Variants in MAN2A1 observed in about 807,000 individuals in gnomAD.
MAN2A1 encodes mannosidase alpha class 2A member 1.
A neutral mutation model predicts 142.6 loss-of-function variants in MAN2A1; 76 were observed. That is an observed-to-expected ratio of 0.53 (90% CI 0.44 to 0.65). The LOEUF (loss-of-function observed/expected upper bound fraction) is 0.65, where lower values mean the gene tolerates loss of function less well. Among genes scored for constraint, MAN2A1 ranks in the 30% least tolerant of loss-of-function variants. The probability of loss-of-function intolerance (pLI) is 0.00; values close to 1 mark genes in which losing one functional copy is unlikely to be tolerated. For missense variants in MAN2A1, 1,311 were observed against 1,365.1 expected (o/e 0.96, Z 0.62); for synonymous variants, 559 against 473.2 (o/e 1.18, Z -2.35).
intron 5 of MAN2A1, among the ~76,000 whole-genome samples, chr5:109,760,140 C>T (rs1324311519): frequency 6.6e-6 from 1 of 152,114 alleles, no homozygotes; most frequent in Non-Finnish European, 1.5e-5. Context: ...CTTCCCTAGC[C>T]TCCCAGCCCC....
chr5:109,804,256 C>T, intron 12 of MAN2A1: 1 of 987,400 alleles, frequency 1.0e-6, no homozygotes, highest in Non-Finnish European at 1.2e-6. Flanking sequence ...TCTTGGACTT[C>T]AGAACACCTC....
At chr5:109,699,976 A>G (rs1165695739) in intron 1 of MAN2A1, 1 of 152,322 alleles carries the variant, frequency 6.6e-6, no homozygotes, top group South Asian at 2.1e-4. Context: ...TGATAATTAC[A>G]CCTGTGCCAC....
At chr5:109,696,982 T>C (rs1261792414) in intron 1 of MAN2A1, among the ~76,000 whole-genome samples, 1 of 152,216 alleles carries the variant, frequency 6.6e-6, no homozygotes, top group African/African-American at 2.4e-5. Flanking sequence ...GGAAGATTCT[T>C]ATAATGGAAC....
At chr5:109,795,103 A>T (rs1179786789) in intron 12 of MAN2A1, among the ~76,000 whole-genome samples, 1 of 152,198 alleles carries the variant, frequency 6.6e-6, no homozygotes, top group Non-Finnish European at 1.5e-5. Flanking sequence ...TGCATTGACT[A>T]GTGGTTGGTA....
chr5:109,742,727 T>C (rs548280032), intron 4 of MAN2A1, among the ~76,000 whole-genome samples: 12 of 152,332 alleles, frequency 7.9e-5, no homozygotes, highest in African/African-American at 2.9e-4. Context: ...TCTTGTGATA[T>C]TCAGAGTCAT....
At chr5:109,837,051 A>T (rs1196063480) in intron 16 of MAN2A1, among the ~76,000 whole-genome samples, 1 of 148,766 alleles carries the variant, frequency 6.7e-6, no homozygotes, top group Non-Finnish European at 1.5e-5. Flanking sequence ...GATTTTATTT[A>T]TTCATTTCCC....
chr5:109,839,373 G>A (rs1755140168), intron 16 of MAN2A1, among the ~76,000 whole-genome samples: 1 of 152,176 alleles, frequency 6.6e-6, no homozygotes, highest in Non-Finnish European at 1.5e-5. Flanking sequence ...AGCTATATGT[G>A]TGATTTCTTT....
intron 7 of MAN2A1, among the ~76,000 whole-genome samples, chr5:109,773,160 A>G (rs576608986): frequency 2.6e-5 from 4 of 152,300 alleles, no homozygotes; most frequent in East Asian, 1.9e-4. Flanking sequence ...CCATTTACCA[A>G]TTACCATTGG....
At chr5:109,791,221 G>A (rs1410921209) in intron 12 of MAN2A1, among the ~76,000 whole-genome samples, 1 of 151,650 alleles carries the variant, frequency 6.6e-6, no homozygotes, top group Admixed American at 6.6e-5. Flanking sequence ...CTGTAGGTTG[G>A]TAAATTAGGA....
chr5:109,791,420 T>C (rs950633813), intron 12 of MAN2A1, among the ~76,000 whole-genome samples: 3 of 152,066 alleles, frequency 2.0e-5, no homozygotes, highest in African/African-American at 7.2e-5. Context: ...ATGGAAGAAT[T>C]TGATTGTTTT....
rs1026327973 is a variant in MAN2A1 at position 109,835,267 on chromosome 5, G to C, written c.2567-7061G>C. Among the ~76,000 whole-genome samples the C allele has an allele frequency of 2.6e-5, 4 of 152,246 alleles. No individual in the cohort carries two copies. In the South Asian group the frequency reaches 6.2e-4, roughly 24 times the overall value. ...GGAATATTCAAAATCAGAAGCCCTA[G>C]TTTTTTCTGATAGCTATTATTATCC... On this transcript the variant is annotated intron_variant, in intron 16 of 21. Coordinates refer to ENST00000261483, the MANE Select transcript of MAN2A1 (RefSeq NM_002372.4).
intron 1 of MAN2A1, among the ~76,000 whole-genome samples, chr5:109,712,767 T>C (rs535411697): frequency 6.6e-4 from 101 of 152,312 alleles, no homozygotes; most frequent in African/African-American, 2.3e-3. Context: ...TTCAGAAATA[T>C]GAGGGCCATT....
chr5:109,751,540 T>C (rs534421146), intron 4 of MAN2A1, among the ~76,000 whole-genome samples: 108 of 152,184 alleles, frequency 7.1e-4, no homozygotes, highest in African/African-American at 2.5e-3. Context: ...GTGGGATGGC[T>C]GGATCATAAG....
intron 19 of MAN2A1, 92 bp from the exon 20 acceptor site, chr5:109,855,048 T>C (rs1348810408): frequency 5.2e-6 from 3 of 575,514 alleles, no homozygotes; most frequent in East Asian, 3.4e-5. Context: ...ATTATTCATA[T>C]ATTTTTATAT....
chr5:109,820,343 G>A lies in MAN2A1; in HGVS notation c.2451+1G>A, dbSNP rs1754590623. 6.2e-7 allele frequency: 1 copy of A among 1,611,460 alleles called. No homozygotes were observed. Among genetic ancestry groups the A allele is most frequent in the Non-Finnish European group, 8.5e-7 (1 of 1,179,046 alleles). On this transcript the variant is annotated splice_donor_variant, in intron 15 of 21. Coordinates refer to ENST00000261483, the MANE Select transcript of MAN2A1 (RefSeq NM_002372.4). LOFTEE classifies it high-confidence loss of function. ...CTTCTTACCTGATGGTAATGCCAAGGTAAGTGGTACTGATGAGATGACAAA... is the reference window on the plus strand; with the variant it reads ...CTTCTTACCTGATGGTAATGCCAAGATAAGTGGTACTGATGAGATGACAAA...
rs1442295824 is a variant in MAN2A1, at chr5:109,819,738, A to T, written c.2179A>T (p.Asn727Tyr). 2 of 1,612,468 alleles carry T rather than the reference A, an allele frequency of 1.2e-6. No individual in the cohort carries two copies. The highest frequency in any genetic ancestry group is 1.7e-6 in the Non-Finnish European group (2 of 1,179,200). Residue 727 changes from asparagine to tyrosine, a missense_variant, in exon 14 of 22, where the codon AAT (asparagine) becomes TAT (tyrosine). Physicochemically the swap from Asn to Tyr is moderately radical, Grantham distance 143 (BLOSUM62 -2). Around this residue, in one of 3 missense-constraint regions of MAN2A1, gnomAD observed 890 missense variants for 920.5 expected, o/e 0.97. Transcript: ENST00000261483. Reference sequence around the variant, plus strand: ...TAAGATTTTGGAATCAGCAAGTTCAAATTCACATTTAGCTGATTATGTCTT... The same window carrying T: ...TAAGATTTTGGAATCAGCAAGTTCATATTCACATTTAGCTGATTATGTCTT... ...VYKILESASS[N>Y]SHLADYVLYK...
rs141718108 is a variant in MAN2A1, at chr5:109,714,859, C to G, written c.390+1085C>G. On this transcript the variant is annotated intron_variant, in intron 2 of 21. Coordinates refer to ENST00000261483, the MANE Select transcript of MAN2A1 (RefSeq NM_002372.4). ...TGCAACCTCATCAGCTAGAGTGTAGCCAGATTCTGATAGGATCAGAATCCT... is the reference window on the plus strand; with the variant it reads ...TGCAACCTCATCAGCTAGAGTGTAGGCAGATTCTGATAGGATCAGAATCCT... Among the ~76,000 whole-genome samples, 367 of 152,192 alleles carry G rather than the reference C, an allele frequency of 2.4e-3. 1 individual carries two copies. The highest frequency in any genetic ancestry group is 8.6e-3 in the African/African-American group (358 of 41,502).
At chr5:109,851,221 G>A (rs1473885980) in intron 19 of MAN2A1, among the ~76,000 whole-genome samples, 2 of 152,216 alleles carry the variant, frequency 1.3e-5, no homozygotes, top group African/African-American at 4.8e-5. Context: ...AATATGTGCA[G>A]GTGTCCAGTG....
chr5:109,750,942 C>T lies in MAN2A1; in HGVS notation c.708-4387C>T, dbSNP rs112927317. Among the ~76,000 whole-genome samples the T allele has an allele frequency of 5.1e-4, 77 of 152,114 alleles. 1 individual carries two copies. The highest frequency in any genetic ancestry group is 1.7e-3 in the African/African-American group (72 of 41,516). On this transcript the variant is annotated intron_variant, in intron 4 of 21. Transcript: ENST00000261483. ...TGTAATGATCAAGTCAGGGTTGGGGCGTCCATCACCTTGAGTATCATTTCT... is the reference window on the plus strand; with the variant it reads ...TGTAATGATCAAGTCAGGGTTGGGGTGTCCATCACCTTGAGTATCATTTCT...
Sources: allele counts gnomAD v4.1 joint callset (sites outside exome capture counted in the v4.1 genomes callset), GRCh38; gene constraint gnomAD v4.1.1; regional missense constraint gnomAD v4.1.1; transcripts MANE v1.5; gene names NCBI Gene and HGNC (gene_info 2026-07-23, HGNC 2026-07-21).